PCDHA8: variants seen among roughly 807,000 people sequenced by gnomAD.
PCDHA8 encodes protocadherin alpha-8.
Under a neutral mutation model 61.8 loss-of-function variants are expected in PCDHA8, and 53 were observed. The ratio of observed to expected loss-of-function variants is 0.86; its 90% CI spans 0.69 to 1.08. The LOEUF (loss-of-function observed/expected upper bound fraction) is 1.08. Among genes scored for constraint, PCDHA8 ranks in the 50% least tolerant of loss-of-function variants. The pLI is 0.00. For missense variants in PCDHA8, 1,293 were observed against 1,245.0 expected (o/e 1.04, Z -0.58); for synonymous variants, 618 against 556.6 (o/e 1.11, Z -1.55).
chr5:140,878,856 G>T (rs1210501065), intron 1 of PCDHA8, among the ~76,000 whole-genome samples: 1 of 152,168 alleles, frequency 6.6e-6, no homozygotes, highest in Admixed American at 6.5e-5. Flanking sequence ...GGGTTCAACT[G>T]ATCCTCCATT....
intron 1 of PCDHA8, chr5:140,852,727 G>C: frequency 1.0e-6 from 1 of 983,528 alleles, no homozygotes; most frequent in South Asian, 4.8e-5. Flanking sequence ...CGTTTTTCAA[G>C]TTTCATGTGC....
At chr5:140,948,764 G>A (rs962710607) in intron 1 of PCDHA8, among the ~76,000 whole-genome samples, 11 of 150,728 alleles carry the variant, frequency 7.3e-5, no homozygotes, top group East Asian at 3.9e-4. Context: ...GATTTTTTTC[G>A]AATAGCCAGC....
At chr5:140,924,944 T>TA (rs11334471) in intron 1 of PCDHA8, among the ~76,000 whole-genome samples, 37 of 142,946 alleles carry the variant, frequency 2.6e-4, no homozygotes, top group Non-Finnish European at 4.2e-4. Context: ...AATAAAAAGT[T>TA]AAAAAAAAAA....
At chr5:140,920,131 T>G (rs1207723509) in intron 1 of PCDHA8, among the ~76,000 whole-genome samples, 1 of 152,202 alleles carries the variant, frequency 6.6e-6, no homozygotes, top group Non-Finnish European at 1.5e-5. Context: ...TGAGTTTTAA[T>G]TCTCCTCTCC....
intron 1 of PCDHA8, among the ~76,000 whole-genome samples, chr5:140,921,749 A>G (rs1366376226): frequency 6.6e-6 from 1 of 152,196 alleles, no homozygotes; most frequent in Non-Finnish European, 1.5e-5. Context: ...GCATAACAGG[A>G]CACTTCTTGG....
rs577872820 is a variant in PCDHA8, at chr5:140,862,061, T to G, written c.2394+18346T>G. Reference sequence around the variant, plus strand: ...AACCGTCACATTGTTTCTTTGCAACTGATGTCTCCCCTAACATAGAAGCCC... The same window carrying G: ...AACCGTCACATTGTTTCTTTGCAACGGATGTCTCCCCTAACATAGAAGCCC... On this transcript the variant is annotated intron_variant, in intron 1 of 3. Coordinates refer to ENST00000531613, the MANE Select transcript of PCDHA8 (RefSeq NM_018911.3). 26 of 155,902 alleles carry G rather than the reference T, an allele frequency of 1.7e-4. No homozygotes were observed. In the South Asian group the frequency reaches 2.8e-3, roughly 17 times the overall value. 9.7% of individuals were successfully genotyped at this position (155,902 alleles called of 1,614,324 possible).
intron 1 of PCDHA8, chr5:140,882,150 C>T: frequency 1.3e-6 from 2 of 1,501,768 alleles, no homozygotes; most frequent in Non-Finnish European, 1.8e-6. Context: ...TAGCAGAAAG[C>T]GGAATACCTC....
Position 140,850,434 on chromosome 5 carries a change from C to G in PCDHA8, c.2394+6719C>G, listed in dbSNP as rs2150484212. ...CGAAACGGACGCACCGCGCCAGCGC[C>G]TACTGGTGCTGGTGAAAGACCACGG... On this transcript the variant is annotated intron_variant, in intron 1 of 3. Coordinates refer to ENST00000531613, the MANE Select transcript of PCDHA8 (RefSeq NM_018911.3). 12 of 1,598,008 alleles carry G rather than the reference C, an allele frequency of 7.5e-6. No individual in the cohort carries two copies. In the Admixed American group the frequency reaches 1.9e-4, roughly 25 times the overall value.
At chr5:140,880,643 A>G (rs937655917) in intron 1 of PCDHA8, among the ~76,000 whole-genome samples, 1 of 152,198 alleles carries the variant, frequency 6.6e-6, no homozygotes, top group African/African-American at 2.4e-5. Context: ...TTCACTTGAG[A>G]GCCCAACTGA....
At chr5:140,973,984 C>CT (rs2096610197) in intron 1 of PCDHA8, among the ~76,000 whole-genome samples, 1 of 152,186 alleles carries the variant, frequency 6.6e-6, no homozygotes, top group East Asian at 1.9e-4. Flanking sequence ...TTTTACAGAA[C>CT]TTCACCTGGA....
intron 1 of PCDHA8, among the ~76,000 whole-genome samples, chr5:140,909,265 G>A (rs1289313376): frequency 3.3e-5 from 5 of 152,192 alleles, no homozygotes; most frequent in Non-Finnish European, 7.3e-5. Flanking sequence ...CTGACTGAAG[G>A]CAAATTGCTT....
At chr5:140,871,026 G>T in intron 1 of PCDHA8, 2 of 1,613,220 alleles carry the variant, frequency 1.2e-6, no homozygotes, top group Non-Finnish European at 1.7e-6. Context: ...AGGCAGACTC[G>T]CCGCGCCACC....
chr5:140,940,096 T>C (rs2153644801), intron 1 of PCDHA8, among the ~76,000 whole-genome samples: 1 of 152,378 alleles, frequency 6.6e-6, no homozygotes, highest in East Asian at 1.9e-4. Context: ...ATTGAAACTT[T>C]TAGCGTTATG....
intron 1 of PCDHA8, among the ~76,000 whole-genome samples, chr5:140,960,911 G>A (rs2095578426): frequency 6.6e-6 from 1 of 152,284 alleles, no homozygotes; most frequent in Non-Finnish European, 1.5e-5. Context: ...TTGAGTTTCA[G>A]ATAGAAAATT....
At chr5:140,985,557 G>A (rs1190905215) in intron 3 of PCDHA8, among the ~76,000 whole-genome samples, 1 of 152,118 alleles carries the variant, frequency 6.6e-6, no homozygotes, top group East Asian at 1.9e-4. Context: ...GCTTCCAAAA[G>A]GCTTCTTTCT....
intron 1 of PCDHA8, among the ~76,000 whole-genome samples, chr5:140,973,765 G>A (rs1326498499): frequency 6.6e-6 from 1 of 152,230 alleles, no homozygotes; most frequent in African/African-American, 2.4e-5. Context: ...GACACAGCCT[G>A]GCATATTATA....
At chr5:140,857,797 G>A (rs371795952) in intron 1 of PCDHA8, 2 of 1,597,708 alleles carry the variant, frequency 1.3e-6, no homozygotes, top group Middle Eastern at 1.7e-4. Flanking sequence ...TGCTGCGGTC[G>A]GTGGTTGCGG....
chr5:140,981,685 C>G lies in PCDHA8; in HGVS notation c.2454-790C>G, dbSNP rs369964011. 6.6e-4 allele frequency among the ~76,000 whole-genome samples: 101 copies of G among 152,166 alleles called. No individual in the cohort carries two copies. In the South Asian group the frequency reaches 0.018, roughly 27 times the overall value. ...TCCTTCCTTTCTTCCTTCCTCCCTT[C>G]CATCATTCATTCATTCATTCATTCA... On this transcript the variant is annotated intron_variant, in intron 2 of 3. Transcript: ENST00000531613.
rs782527674 is a variant in PCDHA8 at position 140,876,124 on chromosome 5, G to A, written c.2394+32409G>A. 162 of 1,613,780 alleles carry A rather than the reference G, an allele frequency of 1.0e-4. No individual in the cohort carries two copies. The highest frequency in any genetic ancestry group is 1.3e-4 in the Non-Finnish European group (152 of 1,179,892). ...TTTATTGCTGATGGTAATCGATGGC[G>A]GTAAACCAGAACTAACAGGGTCTGT... On this transcript the variant is annotated intron_variant, in intron 1 of 3. Coordinates refer to ENST00000531613, the MANE Select transcript of PCDHA8 (RefSeq NM_018911.3).
Sources: gnomAD v4.1 joint callset for allele counts (sites outside exome capture counted in the v4.1 genomes callset) on GRCh38, gnomAD v4.1.1 for gene constraint, MANE v1.5 for transcripts, NCBI Gene and HGNC (gene_info 2026-07-23, HGNC 2026-07-21) for gene names.